GSTCD: variants seen among roughly 807,000 people sequenced by gnomAD.
GSTCD encodes glutathione S-transferase C-terminal domain containing.
GSTCD carries 44 observed loss-of-function variants against 68.3 expected under a neutral mutation model. That is an observed-to-expected ratio of 0.64 (90% CI 0.51 to 0.83). The LOEUF is 0.83. GSTCD is among the 40% of genes least tolerant of loss of function. The pLI, the probability that GSTCD is intolerant of heterozygous loss-of-function variation, is 0.00. For missense variants in GSTCD, 739 were observed against 735.9 expected, an observed-to-expected ratio of 1.00 and a Z score of -0.05; for synonymous variants, 273 against 255.2, an observed-to-expected ratio of 1.07 and a Z score of -0.67.
At chr4:105,824,251 A>G (rs1457864253) in intron 7 of GSTCD, among the ~76,000 whole-genome samples, 1 of 152,158 alleles carries the variant, frequency 6.6e-6, no homozygotes, top group Non-Finnish European at 1.5e-5. Flanking sequence ...AATAAACAGG[A>G]AAATAAATAA....
At chr4:105,786,709 G>T (rs1265686883) in intron 5 of GSTCD, among the ~76,000 whole-genome samples, 1 of 152,064 alleles carries the variant, frequency 6.6e-6, no homozygotes, top group African/African-American at 2.4e-5. Context: ...TCAAATAAGA[G>T]ATATGGGTAA....
chr4:105,768,059 G>A (rs1157636137), intron 5 of GSTCD, among the ~76,000 whole-genome samples: 4 of 147,964 alleles, frequency 2.7e-5, no homozygotes, highest in Non-Finnish European at 5.9e-5. Context: ...TTTTTGAGAC[G>A]GAGTCTCTCC....
rs138575862 is a variant in GSTCD, at chr4:105,799,047, T to C, written c.1241-23907T>C. Among the ~76,000 whole-genome samples, 957 of 152,340 alleles carry C rather than the reference T, an allele frequency of 6.3e-3. 6 individuals carry two copies. Among genetic ancestry groups the C allele is most frequent in the South Asian group, 0.033 (159 of 4,830 alleles). On this transcript the variant is annotated intron_variant, in intron 5 of 11. Transcript: ENST00000515279. Reference sequence around the variant, plus strand: ...GCATCTTCTACTTCAGCACTTGCTGTTTCATCTTGCACTTTTATGTCATGG... The same window carrying C: ...GCATCTTCTACTTCAGCACTTGCTGCTTCATCTTGCACTTTTATGTCATGG...
intron 5 of GSTCD, among the ~76,000 whole-genome samples, chr4:105,775,937 T>A (rs1735041752): frequency 6.6e-6 from 1 of 152,182 alleles, no homozygotes; most frequent in Non-Finnish European, 1.5e-5. Context: ...CTGCTGAAAG[T>A]GCGCACACAG....
intron 5 of GSTCD, among the ~76,000 whole-genome samples, chr4:105,747,129 C>T (rs894138584): frequency 6.6e-6 from 1 of 152,226 alleles, no homozygotes; most frequent in African/African-American, 2.4e-5. Flanking sequence ...TATGTAGGCA[C>T]ATTATTTATT....
intron 5 of GSTCD, among the ~76,000 whole-genome samples, chr4:105,734,622 A>G (rs916881135): frequency 4.6e-5 from 7 of 151,328 alleles, no homozygotes; most frequent in East Asian, 3.9e-4. Flanking sequence ...CTTCTTTGCA[A>G]TGGGTTCCTC....
rs182632010 is a variant in GSTCD at position 105,771,853 on chromosome 4, G to A, written c.1240+42354G>A. On this transcript the variant is annotated intron_variant, in intron 5 of 11. Coordinates refer to ENST00000515279, the MANE Select transcript of GSTCD (RefSeq NM_001370181.1). ...GCTTAGGATTGTCTTGGCTATACAG[G>A]CTCTTTTTTGGTTCCATATGAACTT... 5.3e-5 allele frequency among the ~76,000 whole-genome samples: 8 copies of A among 152,240 alleles called. No individual in the cohort carries two copies. In the East Asian group the frequency reaches 1.5e-3, roughly 29 times the overall value.
intron 5 of GSTCD, among the ~76,000 whole-genome samples, chr4:105,744,820 T>C (rs1456475970): frequency 2.6e-5 from 4 of 152,234 alleles, no homozygotes; most frequent in Non-Finnish European, 4.4e-5. Context: ...GCAGTAAGTA[T>C]GCTCATTGTT....
intron 5 of GSTCD, among the ~76,000 whole-genome samples, chr4:105,749,121 CTTTA>C (rs1733914992): frequency 1.3e-5 from 2 of 151,602 alleles, no homozygotes. Context: ...AGAAAGGTAT[CTTTA>C]TTTTTCAGTG....
At position 105,713,342 on chromosome 4, in the gene GSTCD, C is replaced by T. The variant is rs560483267; in HGVS notation, c.-21-4251C>T. On this transcript the variant is annotated intron_variant, in intron 1 of 11. Transcript: ENST00000515279. ...AATTGCCAAAGAATTTAATCCAGTGCAGAAACTTGTCAAATAACCCAGCCT... is the reference window on the plus strand; with the variant it reads ...AATTGCCAAAGAATTTAATCCAGTGTAGAAACTTGTCAAATAACCCAGCCT... Among the ~76,000 whole-genome samples, 390 of 152,206 alleles carry T rather than the reference C, an allele frequency of 2.6e-3. 1 individual carries two copies. Among genetic ancestry groups the T allele is most frequent in the South Asian group, 8.9e-3 (43 of 4,822 alleles).
intron 10 of GSTCD, among the ~76,000 whole-genome samples, chr4:105,841,265 A>G (rs912431846): frequency 1.3e-4 from 19 of 151,954 alleles, no homozygotes; most frequent in Non-Finnish European, 1.2e-4. Context: ...CGGAGGTTGC[A>G]GTGAGCCGAG....
rs535448563 is a variant in GSTCD at position 105,713,833 on chromosome 4, T to C, written c.-21-3760T>C. On this transcript the variant is annotated intron_variant, in intron 1 of 11. Transcript: ENST00000515279. The stretch of plus-strand genomic sequence containing the variant: ...ACTTTTTGGTCTTCATTATATAATA[T>C]ATAATTTATCTAATATATAATGTTA... 4.6e-5 allele frequency among the ~76,000 whole-genome samples: 7 copies of C among 151,604 alleles called. No individual in the cohort carries two copies. In the South Asian group the frequency reaches 1.4e-3, roughly 31 times the overall value.
rs1271001810 is a variant in GSTCD at position 105,827,780 on chromosome 4, GT to G, written c.1530+1981del. The stretch of plus-strand genomic sequence containing the variant: ...CTTAGTTAGCATTTATCTTTGCTTA[GT>G]AAATGCTTTATTTTTTTCATTTACT... On this transcript the variant is annotated intron_variant, in intron 8 of 11. Coordinates refer to ENST00000515279, the MANE Select transcript of GSTCD (RefSeq NM_001370181.1). 2.6e-5 allele frequency among the ~76,000 whole-genome samples: 4 copies of G among 152,114 alleles called. No individual in the cohort carries two copies. In the East Asian group the frequency reaches 5.8e-4, roughly 22 times the overall value.
chr4:105,730,514 T>C (rs1733198047), intron 5 of GSTCD, among the ~76,000 whole-genome samples: 1 of 152,234 alleles, frequency 6.6e-6, no homozygotes, highest in Admixed American at 6.5e-5. Flanking sequence ...CATTTTTTCA[T>C]GTGTCTTTGG....
chr4:105,722,707 A>G (rs970690914), intron 3 of GSTCD, among the ~76,000 whole-genome samples: 1 of 151,936 alleles, frequency 6.6e-6, no homozygotes, highest in African/African-American at 2.4e-5. Context: ...CAGAGTTACT[A>G]AAATTTTATT....
intron 5 of GSTCD, among the ~76,000 whole-genome samples, chr4:105,742,490 T>G (rs1486753884): frequency 6.6e-6 from 1 of 152,150 alleles, no homozygotes; most frequent in African/African-American, 2.4e-5. Flanking sequence ...GGCCAGATAC[T>G]CAACTTCTCC....
chr4:105,811,723 G>A (rs1452975583), intron 5 of GSTCD, among the ~76,000 whole-genome samples: 1 of 152,016 alleles, frequency 6.6e-6, no homozygotes, highest in Non-Finnish European at 1.5e-5. Flanking sequence ...TCAGCAGTGG[G>A]GGAACCAATG....
chr4:105,728,320 G>T (rs1312118021), intron 4 of GSTCD, among the ~76,000 whole-genome samples: 7 of 152,058 alleles, frequency 4.6e-5, no homozygotes, highest in African/African-American at 1.7e-4. Context: ...CAATATAGTT[G>T]TGTTTTTTAA....
intron 5 of GSTCD, among the ~76,000 whole-genome samples, chr4:105,782,791 C>T (rs1735330239): frequency 1.3e-5 from 2 of 152,032 alleles, no homozygotes; most frequent in South Asian, 4.2e-4. Context: ...CCATGTTGCT[C>T]GGGCTTACTT....
Sources: gnomAD v4.1 joint callset for allele counts (sites outside exome capture counted in the v4.1 genomes callset) on GRCh38, gnomAD v4.1.1 for gene constraint, MANE v1.5 for transcripts, NCBI Gene and HGNC (gene_info 2026-07-23, HGNC 2026-07-21) for gene names.